The following FERMT2 variants were observed in gnomAD, a reference collection of about 807,000 sequenced individuals.
The protein encoded by FERMT2 is fermitin family homolog 2.
A neutral mutation model predicts 82.7 loss-of-function variants in FERMT2; 15 were observed. That is an observed-to-expected ratio of 0.18 (90% CI 0.12 to 0.28). The LOEUF (loss-of-function observed/expected upper bound fraction) is 0.28, where lower values mean the gene tolerates loss of function less well. Ranked by LOEUF, FERMT2 falls within the 10% of genes least tolerant of loss-of-function variation. FERMT2 has a pLI of 1.00. For missense variants in FERMT2, 645 were observed against 809.4 expected (o/e 0.80, Z 2.46); for synonymous variants, 274 against 271.5 (o/e 1.01, Z -0.09).
intron 2 of FERMT2, among the ~76,000 whole-genome samples, chr14:52,946,162 ACCGTGCCCAG>A (rs1434955881): frequency 6.6e-6 from 1 of 152,192 alleles, no homozygotes; most frequent in Non-Finnish European, 1.5e-5. Flanking sequence ...GGCATGAGCC[ACCGTGCCCAG>A]CCAAGGATTT....
Position 52,864,640 on chromosome 14 carries a change from T to G in FERMT2, c.1381-18A>C. On this transcript the variant is annotated intron_variant, in intron 11 of 14. Coordinates refer to ENST00000341590, the MANE Select transcript of FERMT2 (RefSeq NM_006832.3). ...TGTTTTTCCTGGAGAAAAGAAATAC[T>G]GATGTGTGCAATGTATCACGAGGTG... 6.2e-7 allele frequency: 1 copy of G among 1,606,134 alleles called. No homozygotes were observed. The highest frequency in any genetic ancestry group is 1.3e-5 in the African/African-American group (1 of 74,888).
At position 52,864,533 on chromosome 14, in the gene FERMT2, C is replaced by T. The variant is rs755670343; in HGVS notation, c.1470G>A (p.Gln490=). The change falls in exon 12 of 15, where the codon CAG becomes CAA. Residue 490 remains glutamine, a synonymous_variant. Transcript: ENST00000341590. ...GCATCTTCAGAAAGGAAAGAATATTCTGAACTTCTAAGTTGTAAGAACTGT... is the reference window on the plus strand; with the variant it reads ...GCATCTTCAGAAAGGAAAGAATATTTTGAACTTCTAAGTTGTAAGAACTGT... The part of the protein sequence containing the change: ...MADSSYNLEV[Q]NILSFLKMQH... 3.7e-6 allele frequency: 6 copies of T among 1,614,134 alleles called. No individual in the cohort carries two copies. Among genetic ancestry groups the T allele is most frequent in the Non-Finnish European group, 4.2e-6 (5 of 1,180,008 alleles).
At position 52,891,124 on chromosome 14, in the gene FERMT2, T is replaced by C. The variant is rs570811443; in HGVS notation, c.526+2169A>G. 2.0e-5 allele frequency among the ~76,000 whole-genome samples: 3 copies of C among 152,338 alleles called. No individual in the cohort carries two copies. The East Asian group carries it at 5.8e-4, about 29-fold the overall frequency. On this transcript the variant is annotated intron_variant, in intron 4 of 14. Transcript: ENST00000341590. Reference sequence around the variant, plus strand: ...TGTTGTTAAATATGTTCCAATGTTATCCTGAAGGAGCTCGGAGGTCTCTTC... The same window carrying C: ...TGTTGTTAAATATGTTCCAATGTTACCCTGAAGGAGCTCGGAGGTCTCTTC...
At chr14:52,922,583 T>C (rs987780041) in intron 2 of FERMT2, among the ~76,000 whole-genome samples, 2 of 151,914 alleles carry the variant, frequency 1.3e-5, no homozygotes, top group Non-Finnish European at 2.9e-5. Context: ...TGCTAAAACA[T>C]AGAGGGCAAA....
intron 3 of FERMT2, among the ~76,000 whole-genome samples, chr14:52,917,801 G>T (rs1043473437): frequency 6.6e-6 from 1 of 152,180 alleles, no homozygotes; most frequent in African/African-American, 2.4e-5. Flanking sequence ...AGAAATGGGT[G>T]AGGATTCAGA....
intron 3 of FERMT2, among the ~76,000 whole-genome samples, chr14:52,917,741 GA>G (rs910502646): frequency 3.0e-4 from 45 of 152,132 alleles, no homozygotes; most frequent in Non-Finnish European, 2.6e-4. Context: ...CTTGAAGACA[GA>G]AAAAAGTTGG....
chr14:52,914,953 TA>T (rs35477563), intron 3 of FERMT2, among the ~76,000 whole-genome samples: 21,297 of 150,914 alleles, frequency 0.14, 1,729 homozygotes, highest in African/African-American at 0.22. Context: ...AAATAAAAAT[TA>T]AAAAAACAAG....
At chr14:52,950,221 A>G (rs1209133545) in intron 2 of FERMT2, among the ~76,000 whole-genome samples, 191 bp downstream of exon 2, 2 of 152,232 alleles carry the variant, frequency 1.3e-5, no homozygotes, top group Non-Finnish European at 2.9e-5. Context: ...AATTCAGAGA[A>G]TAGCAAAACA....
At chr14:52,897,962 G>A (rs1212342664) in intron 3 of FERMT2, among the ~76,000 whole-genome samples, 1 of 112,100 alleles carries the variant, frequency 8.9e-6, no homozygotes, top group African/African-American at 3.3e-5. Context: ...GGCAAGGAGA[G>A]TGAAACTCCG....
intron 3 of FERMT2, among the ~76,000 whole-genome samples, chr14:52,915,658 C>G (rs1374532884): frequency 6.6e-6 from 1 of 152,138 alleles, no homozygotes; most frequent in Non-Finnish European, 1.5e-5. Flanking sequence ...AAACAAAACT[C>G]TAAGAGTACT....
intron 7 of FERMT2, among the ~76,000 whole-genome samples, chr14:52,878,231 A>C (rs1288424869): frequency 1.3e-5 from 2 of 152,182 alleles, no homozygotes; most frequent in African/African-American, 4.8e-5. Context: ...GCTTCAGATT[A>C]GATTTCAGAA....
chr14:52,919,833 G>C (rs1237251593), intron 2 of FERMT2, among the ~76,000 whole-genome samples: 2 of 152,202 alleles, frequency 1.3e-5, no homozygotes, highest in African/African-American at 4.8e-5. Context: ...AAAGTGAACA[G>C]AGACCAATAT....
At chr14:52,924,692 A>G (rs542273585) in intron 2 of FERMT2, among the ~76,000 whole-genome samples, 1 of 152,238 alleles carries the variant, frequency 6.6e-6, no homozygotes, top group African/African-American at 2.4e-5. Flanking sequence ...AATACAGAAA[A>G]CTTTTCCTGG....
At chr14:52,900,352 C>T (rs927623801) in intron 3 of FERMT2, among the ~76,000 whole-genome samples, 1 of 113,070 alleles carries the variant, frequency 8.8e-6, no homozygotes, top group Non-Finnish European at 1.8e-5. Context: ...CTAATCTACA[C>T]AGGCTATATA....
chr14:52,878,783 G>T, intron 6 of FERMT2, 94 bp from the exon 7 acceptor site: 1 of 591,472 alleles, frequency 1.7e-6, no homozygotes, highest in Non-Finnish European at 2.8e-6. Context: ...AAAATTTAAT[G>T]CTTTTTTTCC....
intron 3 of FERMT2, among the ~76,000 whole-genome samples, chr14:52,899,623 T>C (rs1261187225): frequency 6.6e-6 from 1 of 152,108 alleles, no homozygotes; most frequent in Non-Finnish European, 1.5e-5. Flanking sequence ...AGGGAGAGAA[T>C]GAAGGGTAGC....
chr14:52,875,429 T>C, intron 7 of FERMT2, 72 bp from the exon 8 acceptor site: 1 of 1,180,082 alleles, frequency 8.5e-7, no homozygotes, highest in Non-Finnish European at 1.2e-6. Flanking sequence ...ACTATCTGAA[T>C]CTATATTTAA....
Position 52,878,642 on chromosome 14 carries a change from G to A in FERMT2, c.903C>T (p.Ala301=), listed in dbSNP as rs750290231. The change falls in exon 7 of 15, where the codon GCC becomes GCT. Residue 301 remains alanine (A), a synonymous_variant. Transcript: ENST00000341590. ...TGCATTCAATCTCTTCCAGGAGAAT[G>A]GCCCATTTGGCCTGCTCGTAAAGCT... ...INQLYEQAKW[A]ILLEEIECTE... 2 of 1,609,138 alleles carry A rather than the reference G, an allele frequency of 1.2e-6. No homozygotes were observed. Among genetic ancestry groups the A allele is most frequent in the African/African-American group, 2.7e-5 (2 of 74,742 alleles).
At chr14:52,899,074 G>C (rs1887465631) in intron 3 of FERMT2, among the ~76,000 whole-genome samples, 1 of 152,064 alleles carries the variant, frequency 6.6e-6, no homozygotes, top group Non-Finnish European at 1.5e-5. Flanking sequence ...ATTTACATTA[G>C]TAAAAGAATA....
Sources: allele counts gnomAD v4.1 joint callset (sites outside exome capture counted in the v4.1 genomes callset), GRCh38; gene constraint gnomAD v4.1.1; transcripts MANE v1.5; gene names NCBI Gene and HGNC (gene_info 2026-07-23, HGNC 2026-07-21).